The following CTNNBL1 variants were observed in gnomAD, a reference collection of about 807,000 sequenced individuals.
CTNNBL1 encodes beta-catenin-like protein 1.
Under a neutral mutation model 72.7 loss-of-function variants are expected in CTNNBL1, and 31 were observed. The observed-to-expected ratio is 0.43, with a 90% CI of 0.32 to 0.58. CTNNBL1 has a LOEUF of 0.58. Among genes scored for constraint, CTNNBL1 ranks in the 20% least tolerant of loss-of-function variants. The pLI is 0.08. For missense variants in CTNNBL1, 534 were observed against 725.1 expected (o/e 0.74, Z 3.03); for synonymous variants, 240 against 267.3 (o/e 0.90, Z 1.00).
intron 15 of CTNNBL1, among the ~76,000 whole-genome samples, chr20:37,870,463 A>T (rs149699197): frequency 1.3e-5 from 2 of 151,720 alleles, no homozygotes; most frequent in African/African-American, 2.4e-5. Flanking sequence ...AGCCTCCCCA[A>T]TGCTCTTGTC....
chr20:37,803,321 A>G (rs2073837977), intron 11 of CTNNBL1, among the ~76,000 whole-genome samples: 2 of 152,110 alleles, frequency 1.3e-5, no homozygotes, highest in Non-Finnish European at 2.9e-5. Context: ...TTTCTTCACT[A>G]TAATTTGTAG....
Position 37,746,758 on chromosome 20 carries a change from T to G in CTNNBL1, c.466+151T>G, listed in dbSNP as rs1001786112. On this transcript the variant is annotated intron_variant, in intron 4 of 15. Coordinates refer to ENST00000361383, the MANE Select transcript of CTNNBL1 (RefSeq NM_030877.5). ...CTTCTGTCTTGAAACACACAATGCT[T>G]TTTACTCATTTGAAAACCTGGTTTT... The G allele has an allele frequency of 3.9e-5, 41 of 1,053,296 alleles. 1 individual carries two copies. The highest frequency in any genetic ancestry group is 4.2e-4 in the Middle Eastern group (2 of 4,786). 65.2% of individuals were successfully genotyped at this position (1,053,296 alleles called of 1,614,324 possible). A position where few individuals can be genotyped will look rare whatever the true frequency, so the allele number is the denominator to read the frequency against.
rs202016331 is a variant in CTNNBL1 at position 37,732,936 on chromosome 20, C to T, written c.88C>T (p.Arg30Trp). The T allele has an allele frequency of 6.2e-6, 10 of 1,613,910 alleles. No homozygotes were observed. The highest frequency in any genetic ancestry group is 1.7e-4 in the Middle Eastern group (1 of 5,954). Residue 30 changes from arginine (R) to tryptophan (W), a missense_variant, in exon 2 of 16, where the codon CGG becomes TGG. Physicochemically the swap from Arg to Trp is moderately radical, Grantham distance 101. Coordinates refer to ENST00000361383, the MANE Select transcript of CTNNBL1 (RefSeq NM_030877.5). ...TGAAGAGGAGGAGCAGAAGATGCGT[C>T]GGAAACAAACTGGTACTCGAGAACG... ...DDEEEEQKMRRKQTGTRERGR... is the reference protein window; with the variant it reads ...DDEEEEQKMRWKQTGTRERGR...
At chr20:37,789,353 G>C (rs976808675) in intron 10 of CTNNBL1, among the ~76,000 whole-genome samples, 1 of 152,180 alleles carries the variant, frequency 6.6e-6, no homozygotes, top group Non-Finnish European at 1.5e-5. Flanking sequence ...GATGGTCTTT[G>C]GTGAGCAGCA....
At position 37,765,222 on chromosome 20, in the gene CTNNBL1, T is replaced by C; in HGVS notation, c.590T>C (p.Leu197Pro). 1 of 1,551,518 alleles carries C rather than the reference T, an allele frequency of 6.4e-7. No individual in the cohort carries two copies. The highest frequency in any genetic ancestry group is 8.7e-7 in the Non-Finnish European group (1 of 1,146,834). The change falls in exon 6 of 16, where the codon CTG (leucine) becomes CCG (proline). Residue 197 changes from leucine (L) to proline (P), a missense_variant. Transcript: ENST00000361383. ...ALVDGQVVAL[L>P]VQNLERLDES... The stretch of plus-strand genomic sequence containing the variant: ...GTGGATGGGCAGGTGGTAGCACTGC[T>C]GGTACAGAATCTGGAGCGCCTGGAT...
At chr20:37,777,241 T>G in intron 7 of CTNNBL1, 104 bp from the exon 8 acceptor site, 1 of 887,362 alleles carries the variant, frequency 1.1e-6, no homozygotes. Flanking sequence ...CTTTTCTAAC[T>G]TCTGCTTCTC....
intron 1 of CTNNBL1, among the ~76,000 whole-genome samples, chr20:37,705,739 T>G (rs1199188518): frequency 6.6e-6 from 1 of 152,250 alleles, no homozygotes; most frequent in African/African-American, 2.4e-5. Context: ...CGTTTACAAA[T>G]TACTCCTTCC....
chr20:37,838,825 T>G (rs1174401531), intron 11 of CTNNBL1, among the ~76,000 whole-genome samples: 1 of 152,188 alleles, frequency 6.6e-6, no homozygotes, highest in Admixed American at 6.5e-5. Context: ...AGGTTGAGGC[T>G]GCAGTGAGCC....
chr20:37,800,707 T>G lies in CTNNBL1; in HGVS notation c.1032-2160T>G, dbSNP rs187968010. Reference sequence around the variant, plus strand: ...ACATGGCAATCTCAGAACCAACATGTTGAATTGCATCCACTTTACTCCTGG... The same window carrying G: ...ACATGGCAATCTCAGAACCAACATGGTGAATTGCATCCACTTTACTCCTGG... On this transcript the variant is annotated intron_variant, in intron 10 of 15. Coordinates refer to ENST00000361383, the MANE Select transcript of CTNNBL1 (RefSeq NM_030877.5). Among the ~76,000 whole-genome samples, 72 of 152,368 alleles carry G rather than the reference T, an allele frequency of 4.7e-4. 1 individual carries two copies. The highest frequency in any genetic ancestry group is 7.3e-5 in the Non-Finnish European group (5 of 68,040).
intron 4 of CTNNBL1, among the ~76,000 whole-genome samples, chr20:37,756,609 T>C (rs1568766282): frequency 6.6e-6 from 1 of 151,512 alleles, no homozygotes; most frequent in Non-Finnish European, 1.5e-5. Flanking sequence ...TTCCCTTTCT[T>C]TTCTTTTCTC....
At chr20:37,799,298 A>G (rs2073803909) in intron 10 of CTNNBL1, among the ~76,000 whole-genome samples, 1 of 152,128 alleles carries the variant, frequency 6.6e-6, no homozygotes. Context: ...CATCTACAGG[A>G]TGGAGCCTGG....
chr20:37,801,498 A>ATTAT (rs1396732594), intron 10 of CTNNBL1, among the ~76,000 whole-genome samples: 1 of 152,232 alleles, frequency 6.6e-6, no homozygotes, highest in Non-Finnish European at 1.5e-5. Flanking sequence ...CAGTGGCACT[A>ATTAT]TTATTCTATG....
chr20:37,760,493 G>C (rs1406157513), intron 5 of CTNNBL1, among the ~76,000 whole-genome samples: 2 of 152,196 alleles, frequency 1.3e-5, no homozygotes, highest in Non-Finnish European at 2.9e-5. Flanking sequence ...TCTGGCACTT[G>C]TCACATTGGA....
At chr20:37,767,625 C>T (rs558032885) in intron 6 of CTNNBL1, among the ~76,000 whole-genome samples, 1 of 152,302 alleles carries the variant, frequency 6.6e-6, no homozygotes, top group South Asian at 2.1e-4. Flanking sequence ...GTTTCTGGGA[C>T]TCATTAGGGA....
intron 1 of CTNNBL1, chr20:37,727,485 C>A: frequency 4.0e-6 from 1 of 250,554 alleles, no homozygotes. Flanking sequence ...TACCACTCAC[C>A]ACCTATTGGG....
In CTNNBL1 at chr20:37,721,421, T is replaced by C. The variant is rs548897533; in HGVS notation, c.31-11458T>C. On this transcript the variant is annotated intron_variant, in intron 1 of 15. Transcript: ENST00000361383. ...ACTTTAAGGTACCCTGTGAGTGTTA[T>C]AAACCCTTAATCAACAGTAACAATA... Among the ~76,000 whole-genome samples the C allele has an allele frequency of 2.0e-5, 3 of 152,352 alleles. No homozygotes were observed. In the South Asian group the frequency reaches 6.2e-4, roughly 32 times the overall value.
intron 7 of CTNNBL1, among the ~76,000 whole-genome samples, chr20:37,770,146 A>G (rs2073509074): frequency 6.6e-6 from 1 of 152,212 alleles, no homozygotes; most frequent in African/African-American, 2.4e-5. Context: ...TAGTTAATTC[A>G]GGCATTGTCA....
chr20:37,730,597 G>C (rs1003951211), intron 1 of CTNNBL1, among the ~76,000 whole-genome samples: 1 of 152,208 alleles, frequency 6.6e-6, no homozygotes, highest in Non-Finnish European at 1.5e-5. Flanking sequence ...TGTCTCTTCA[G>C]CTCTGAAGCC....
intron 10 of CTNNBL1, among the ~76,000 whole-genome samples, chr20:37,801,046 TC>T (rs1034769448): frequency 2.0e-5 from 3 of 152,242 alleles, no homozygotes; most frequent in Middle Eastern, 3.2e-3. Context: ...TCGTTTTACT[TC>T]CTTGACACTA....
Sources: gnomAD v4.1 joint callset for allele counts (sites outside exome capture counted in the v4.1 genomes callset) on GRCh38, gnomAD v4.1.1 for gene constraint, MANE v1.5 for transcripts, NCBI Gene and HGNC (gene_info 2026-07-23, HGNC 2026-07-21) for gene names.